Variants in PDZRN4 observed in about 807,000 individuals in gnomAD.
PDZRN4 encodes PDZ domain-containing RING finger protein 4.
In PDZRN4, 70 loss-of-function variants were observed where a neutral mutation model predicts 99.0. That is an observed-to-expected ratio of 0.71 (90% CI 0.58 to 0.86). The LOEUF (loss-of-function observed/expected upper bound fraction) is 0.86. PDZRN4 is among the 40% of genes least tolerant of loss of function. The probability of loss-of-function intolerance (pLI) is 0.00; values close to 1 mark genes in which losing one functional copy is unlikely to be tolerated. For synonymous variants in PDZRN4, 551 were observed against 501.6 expected (o/e 1.10, Z -1.32); for missense variants, 1,474 against 1,331.2 (o/e 1.11, Z -1.67).
chr12:41,378,146 T>TGTG (rs1184997390), intron 3 of PDZRN4, among the ~76,000 whole-genome samples: 1 of 152,176 alleles, frequency 6.6e-6, no homozygotes, highest in Non-Finnish European at 1.5e-5. Context: ...TTGATGTACA[T>TGTG]TCATTCTATA....
chr12:41,558,190 C>A (rs1939201150), intron 7 of PDZRN4, among the ~76,000 whole-genome samples: 1 of 152,152 alleles, frequency 6.6e-6, no homozygotes, highest in Non-Finnish European at 1.5e-5. Context: ...ATAATGTAAT[C>A]TTTTGATGCT....
At chr12:41,233,915 T>C (rs565962421) in intron 3 of PDZRN4, among the ~76,000 whole-genome samples, 16 of 151,938 alleles carry the variant, frequency 1.1e-4, no homozygotes, top group Non-Finnish European at 1.8e-4. Context: ...GTTGTGCACA[T>C]GTACCCTAAA....
At chr12:41,213,072 T>C (rs1950898147) in intron 3 of PDZRN4, among the ~76,000 whole-genome samples, 1 of 152,032 alleles carries the variant, frequency 6.6e-6, no homozygotes, top group Non-Finnish European at 1.5e-5. Flanking sequence ...ATACTCCTAG[T>C]TATTCTCAAA....
At chr12:41,279,225 G>C (rs553601109) in intron 3 of PDZRN4, among the ~76,000 whole-genome samples, 1 of 152,134 alleles carries the variant, frequency 6.6e-6, no homozygotes, top group African/African-American at 2.4e-5. Flanking sequence ...TATAAAATAA[G>C]AATGCTGAAC....
intron 3 of PDZRN4, among the ~76,000 whole-genome samples, chr12:41,229,935 C>A (rs1194152209): frequency 6.6e-6 from 1 of 151,866 alleles, no homozygotes; most frequent in Non-Finnish European, 1.5e-5. Context: ...AGTTGGTGGA[C>A]TTAGTGGTTT....
chr12:41,529,178 G>C (rs749125983), intron 5 of PDZRN4, among the ~76,000 whole-genome samples: 1 of 151,964 alleles, frequency 6.6e-6, no homozygotes, highest in East Asian at 1.9e-4. Context: ...GCTTTCTAGG[G>C]CTGGTATATA....
intron 3 of PDZRN4, among the ~76,000 whole-genome samples, chr12:41,389,826 G>A (rs993837227): frequency 1.3e-5 from 2 of 152,180 alleles, no homozygotes; most frequent in Non-Finnish European, 2.9e-5. Context: ...ACCTGGAAGA[G>A]TGATCAGACA....
intron 3 of PDZRN4, among the ~76,000 whole-genome samples, chr12:41,417,261 C>G (rs12308926): frequency 6.6e-6 from 1 of 152,154 alleles, no homozygotes; most frequent in Non-Finnish European, 1.5e-5. Context: ...TTTCCTTCCT[C>G]TCACCAAGCT....
At chr12:41,431,135 G>A (rs1194289261) in intron 3 of PDZRN4, among the ~76,000 whole-genome samples, 2 of 152,188 alleles carry the variant, frequency 1.3e-5, no homozygotes, top group African/African-American at 4.8e-5. Flanking sequence ...ATTTGGGTGG[G>A]GACACAGATC....
intron 7 of PDZRN4, among the ~76,000 whole-genome samples, chr12:41,560,914 C>T (rs965337012): frequency 1.3e-5 from 2 of 152,258 alleles, no homozygotes; most frequent in Admixed American, 6.5e-5. Flanking sequence ...AAGTGTGGCA[C>T]TTATTTTCTA....
chr12:41,558,757 A>C (rs1257977394), intron 7 of PDZRN4, among the ~76,000 whole-genome samples: 1 of 152,190 alleles, frequency 6.6e-6, no homozygotes, highest in Non-Finnish European at 1.5e-5. Context: ...CACTTAATAC[A>C]TGTCCCAGTA....
At chr12:41,571,336 T>A (rs898150816) in intron 9 of PDZRN4, among the ~76,000 whole-genome samples, 32 of 73,604 alleles carry the variant, frequency 4.3e-4, no homozygotes, top group African/African-American at 1.2e-3. Context: ...ATTACCAGAG[T>A]CTCTCTCTCT....
At chr12:41,505,799 C>T (rs1035688863) in intron 3 of PDZRN4, among the ~76,000 whole-genome samples, 5 of 149,752 alleles carry the variant, frequency 3.3e-5, no homozygotes, top group East Asian at 2.5e-4. Context: ...TAGAGCATTG[C>T]TTCTTTCAGT....
intron 3 of PDZRN4, among the ~76,000 whole-genome samples, chr12:41,412,844 C>G (rs1319608891): frequency 6.6e-6 from 1 of 152,058 alleles, no homozygotes; most frequent in African/African-American, 2.4e-5. Flanking sequence ...AATCCCAGCA[C>G]TTTGGGAGGC....
At chr12:41,365,624 G>A (rs1393967492) in intron 3 of PDZRN4, among the ~76,000 whole-genome samples, 2 of 152,000 alleles carry the variant, frequency 1.3e-5, no homozygotes, top group Non-Finnish European at 2.9e-5. Context: ...AAGAAACCCA[G>A]AATTCTCAAG....
intron 3 of PDZRN4, among the ~76,000 whole-genome samples, chr12:41,373,808 A>G (rs1413196651): frequency 1.3e-5 from 2 of 152,200 alleles, no homozygotes; most frequent in Admixed American, 6.5e-5. Flanking sequence ...ATAAGTGTCC[A>G]TGAAATCTTC....
intron 3 of PDZRN4, among the ~76,000 whole-genome samples, chr12:41,300,141 G>A (rs2405908): frequency 0.49 from 74,405 of 151,546 alleles, 21,031 homozygotes; most frequent in East Asian, 0.71. Context: ...ATTCTAAAAC[G>A]GAAAATACTA....
At chr12:41,561,367 T>C (rs572342472) in intron 7 of PDZRN4, among the ~76,000 whole-genome samples, 1 of 152,014 alleles carries the variant, frequency 6.6e-6, no homozygotes, top group East Asian at 1.9e-4. Flanking sequence ...GTGCCAGCAT[T>C]GAAGACATTC....
chr12:41,401,972 C>A (rs1022034934), intron 3 of PDZRN4, among the ~76,000 whole-genome samples: 1 of 150,776 alleles, frequency 6.6e-6, no homozygotes, highest in Non-Finnish European at 1.5e-5. Flanking sequence ...GTAAAAGATT[C>A]TGTTTATCCC....
Sources: allele counts gnomAD v4.1 joint callset (sites outside exome capture counted in the v4.1 genomes callset), GRCh38; gene constraint gnomAD v4.1.1; transcripts MANE v1.5; gene names NCBI Gene and HGNC (gene_info 2026-07-23, HGNC 2026-07-21).